The following EBF2 variants were observed in gnomAD, a reference collection of about 807,000 sequenced individuals.
EBF2 encodes the protein transcription factor COE2.
EBF2 carries 21 observed loss-of-function variants against 72.8 expected under a neutral mutation model. The ratio of observed to expected loss-of-function variants is 0.29; its 90% CI spans 0.20 to 0.42. The LOEUF (loss-of-function observed/expected upper bound fraction) is 0.42. Among genes scored for constraint, EBF2 ranks in the 10% least tolerant of loss-of-function variants. The pLI, the probability that EBF2 is intolerant of heterozygous loss-of-function variation, is 1.00. For synonymous variants in EBF2, 299 were observed against 274.2 expected, an observed-to-expected ratio of 1.09 and a Z score of -0.89; for missense variants, 637 against 731.2, an observed-to-expected ratio of 0.87 and a Z score of 1.49.
At chr8:26,024,056 A>G (rs1805258006) in intron 6 of EBF2, among the ~76,000 whole-genome samples, 1 of 152,176 alleles carries the variant, frequency 6.6e-6, no homozygotes, top group Non-Finnish European at 1.5e-5. Flanking sequence ...TCTGGGCCCA[A>G]ATAATCTCTC....
intron 6 of EBF2, among the ~76,000 whole-genome samples, chr8:25,967,902 A>G (rs540819162): frequency 3.6e-4 from 55 of 152,380 alleles, no homozygotes; most frequent in African/African-American, 1.2e-3. Flanking sequence ...GAGAAGATTA[A>G]ATGAGGTTTC....
At chr8:25,880,124 G>T (rs1262122568) in intron 10 of EBF2, among the ~76,000 whole-genome samples, 1 of 152,084 alleles carries the variant, frequency 6.6e-6, no homozygotes, top group African/African-American at 2.4e-5. Flanking sequence ...ACAAACAGTA[G>T]GCACAAAATA....
chr8:25,881,073 C>T (rs1802598633), intron 10 of EBF2, among the ~76,000 whole-genome samples: 3 of 152,212 alleles, frequency 2.0e-5, no homozygotes, highest in African/African-American at 7.2e-5. Flanking sequence ...CTCCAAGCTA[C>T]CATCATTTCT....
intron 14 of EBF2, 36 bp downstream of exon 14, chr8:25,858,283 A>C (rs1274421529): frequency 6.2e-6 from 10 of 1,611,470 alleles, no homozygotes; most frequent in African/African-American, 1.3e-5. Flanking sequence ...AGAGACAAAA[A>C]AGCATGGAGA....
chr8:25,997,222 C>T (rs1312866392), intron 6 of EBF2, among the ~76,000 whole-genome samples: 1 of 152,042 alleles, frequency 6.6e-6, no homozygotes, highest in African/African-American at 2.4e-5. Flanking sequence ...GGTTGGTAAG[C>T]CCCAAAGACA....
chr8:25,889,406 G>A (rs1293799723), intron 8 of EBF2, among the ~76,000 whole-genome samples: 1 of 152,032 alleles, frequency 6.6e-6, no homozygotes, highest in Non-Finnish European at 1.5e-5. Flanking sequence ...TCTGTTTAAG[G>A]GCACATGTGA....
chr8:26,016,942 G>A lies in EBF2; in HGVS notation c.551+16143C>T, dbSNP rs1805120026. On this transcript the variant is annotated intron_variant, in intron 6 of 15. Coordinates refer to ENST00000520164, the MANE Select transcript of EBF2 (RefSeq NM_022659.4). ...AAAATAATAAAAAATAATGACAATA[G>A]TGGAGTTATATTTTTTAAAAGGCAG... is the stretch of plus-strand genomic sequence containing the variant. 2.0e-5 allele frequency among the ~76,000 whole-genome samples: 3 copies of A among 152,238 alleles called. No individual in the cohort carries two copies. The South Asian group carries it at 6.2e-4, about 32-fold the overall frequency.
chr8:25,909,756 GAGT>G (rs1328739974), intron 6 of EBF2, among the ~76,000 whole-genome samples: 1 of 152,150 alleles, frequency 6.6e-6, no homozygotes, highest in Non-Finnish European at 1.5e-5. Context: ...AAAAACTGAT[GAGT>G]AGATAAACAG....
At chr8:26,032,084 A>C (rs7818378) in intron 6 of EBF2, 147,310 of 152,274 alleles carry the variant, frequency 0.97, 71,262 homozygotes, top group East Asian at 1. Context: ...AAGCCTACAG[A>C]AGTGACTGCA....
chr8:26,011,935 G>A (rs1210167308), intron 6 of EBF2, among the ~76,000 whole-genome samples: 3 of 152,034 alleles, frequency 2.0e-5, no homozygotes, highest in African/African-American at 7.2e-5. Flanking sequence ...TCCTGAGTGG[G>A]TTAACCTTTT....
At position 25,975,456 on chromosome 8, in the gene EBF2, G is replaced by A. The variant is rs144230022; in HGVS notation, c.551+57629C>T. On this transcript the variant is annotated intron_variant, in intron 6 of 15. Transcript: ENST00000520164. ...TAAAATTCAGATGTACATTTTTCCC[G>A]GTTAAATAGTGCGACAGGATTAAGT... Among the ~76,000 whole-genome samples the A allele has an allele frequency of 4.5e-4, 68 of 152,118 alleles. 1 individual carries two copies. In the Middle Eastern group the frequency reaches 0.01, roughly 23 times the overall value.
At chr8:25,932,436 T>A (rs952803094) in intron 6 of EBF2, among the ~76,000 whole-genome samples, 1 of 152,032 alleles carries the variant, frequency 6.6e-6, no homozygotes, top group African/African-American at 2.4e-5. Context: ...GGAGCAGACA[T>A]TAAATTGATC....
At chr8:25,879,047 G>GAAA (rs1384331574) in intron 10 of EBF2, among the ~76,000 whole-genome samples, 1 of 151,996 alleles carries the variant, frequency 6.6e-6, no homozygotes, top group African/African-American at 2.4e-5. Context: ...TAAGCAACAT[G>GAAA]AAAAAAATTT....
At chr8:25,909,956 T>C (rs1338184995) in intron 6 of EBF2, among the ~76,000 whole-genome samples, 1 of 152,224 alleles carries the variant, frequency 6.6e-6, no homozygotes, top group East Asian at 1.9e-4. Context: ...CACTTCTCTC[T>C]TTCAATCTTT....
At chr8:25,856,869 A>G (rs1802105647) in intron 14 of EBF2, among the ~76,000 whole-genome samples, 1 of 152,236 alleles carries the variant, frequency 6.6e-6, no homozygotes, top group African/African-American at 2.4e-5. Flanking sequence ...AACTCAGAGC[A>G]AAGTAAATGA....
intron 15 of EBF2, among the ~76,000 whole-genome samples, chr8:25,847,371 T>G (rs1801861233): frequency 6.6e-6 from 1 of 152,158 alleles, no homozygotes; most frequent in African/African-American, 2.4e-5. Flanking sequence ...ATTTTTTGTT[T>G]GTTTGTTTTG....
chr8:26,044,737 G>A lies in EBF2; in HGVS notation c.123C>T (p.Ala41=). Residue 41 remains alanine (A), a synonymous_variant, in exon 1 of 16, where the codon GCC becomes GCT. Transcript: ENST00000520164. This position sits in a 1 kb window ranked among gnomAD's most constrained non-coding sequence, Gnocchi z 4.1. ...CGCGGCCGTGTCGTTACCTCTGCGCGGCGACATTAGCGTCCACCACTCCGA... is the reference window on the plus strand; with the variant it reads ...CGCGGCCGTGTCGTTACCTCTGCGCAGCGACATTAGCGTCCACCACTCCGA... ...RNVGVVDANV[A]AQSGVALSRA... The A allele has an allele frequency of 1.2e-6, 2 of 1,614,034 alleles. No individual in the cohort carries two copies. The highest frequency in any genetic ancestry group is 2.2e-5 in the East Asian group (1 of 44,860).
intron 6 of EBF2, among the ~76,000 whole-genome samples, chr8:25,957,150 C>A (rs1803961577): frequency 1.3e-5 from 2 of 152,192 alleles, no homozygotes; most frequent in South Asian, 2.1e-4. Context: ...GTCCAGACTG[C>A]CTTCCAGCCT....
chr8:25,852,234 A>AGCATGAGGAGTGGG (rs1801995758), intron 14 of EBF2, among the ~76,000 whole-genome samples: 1 of 152,236 alleles, frequency 6.6e-6, no homozygotes, highest in Non-Finnish European at 1.5e-5. Flanking sequence ...CACAGGGTTA[A>AGCATGAGGAGTGGG]GCATGAGGAG....
Sources: allele counts gnomAD v4.1 joint callset (sites outside exome capture counted in the v4.1 genomes callset), GRCh38; gene constraint gnomAD v4.1.1; non-coding constraint Gnocchi (gnomAD v3.1); transcripts MANE v1.5; gene names NCBI Gene and HGNC (gene_info 2026-07-23, HGNC 2026-07-21).